Variants in CDH13 observed in about 807,000 individuals in gnomAD.
The protein encoded by CDH13 is cadherin-13.
Under a neutral mutation model 63.8 loss-of-function variants are expected in CDH13, and 24 were observed. That is an observed-to-expected ratio of 0.38 (90% confidence interval 0.27 to 0.53). The LOEUF is 0.53. CDH13 is among the 20% of genes least tolerant of loss of function. CDH13 has a pLI of 0.85. For missense variants in CDH13, 1,049 were observed against 903.1 expected, an observed-to-expected ratio of 1.16 and a Z score of -2.07; for synonymous variants, 503 against 355.3, an observed-to-expected ratio of 1.42 and a Z score of -4.67.
chr16:83,145,291 G>A (rs1161267992), intron 4 of CDH13, among the ~76,000 whole-genome samples: 2 of 152,138 alleles, frequency 1.3e-5, no homozygotes, highest in African/African-American at 4.8e-5. Context: ...TGAGGCTTGG[G>A]CAGCAGCAGC....
chr16:83,290,823 T>C (rs1241402385), intron 5 of CDH13, among the ~76,000 whole-genome samples: 2 of 152,130 alleles, frequency 1.3e-5, no homozygotes, highest in African/African-American at 4.8e-5. Flanking sequence ...GCATCTTCAC[T>C]CAGGGCCGCC....
intron 7 of CDH13, among the ~76,000 whole-genome samples, chr16:83,512,049 C>T (rs915060624): frequency 7.9e-5 from 12 of 151,990 alleles, no homozygotes; most frequent in East Asian, 1.9e-4. Context: ...GGGCCAGGCG[C>T]GGTGGCTCAC....
At chr16:83,206,093 G>A (rs1267741353) in intron 4 of CDH13, among the ~76,000 whole-genome samples, 1 of 152,080 alleles carries the variant, frequency 6.6e-6, no homozygotes, top group South Asian at 2.1e-4. Context: ...ATGAAAGGGT[G>A]ACTCATACAT....
At chr16:83,065,588 C>G (rs2031939662) in intron 3 of CDH13, among the ~76,000 whole-genome samples, 1 of 151,972 alleles carries the variant, frequency 6.6e-6, no homozygotes, top group Admixed American at 6.6e-5. Context: ...GCCTGTAATT[C>G]CAGCTAGTCG....
rs10658401 is a variant in CDH13 at position 82,886,561 on chromosome 16, A to AT, written c.157+28100dup. ...ATTATCAACTTAGAATATTTGTGCA[A>AT]TTTTTTTTTTTTACATGTGGAGCTT... On this transcript the variant is annotated intron_variant, in intron 2 of 13. Coordinates refer to ENST00000567109, the MANE Select transcript of CDH13 (RefSeq NM_001257.5). 1.8e-3 allele frequency among the ~76,000 whole-genome samples: 266 copies of AT among 149,332 alleles called. 2 individuals are homozygous for AT. The highest frequency in any genetic ancestry group is 0.01 in the Middle Eastern group (3 of 286).
At chr16:83,098,669 A>G (rs1269374856) in intron 3 of CDH13, among the ~76,000 whole-genome samples, 1 of 152,210 alleles carries the variant, frequency 6.6e-6, no homozygotes, top group African/African-American at 2.4e-5. Flanking sequence ...GAGCATTTCA[A>G]CGGTTCACTC....
rs551768362 is a variant in CDH13, at chr16:82,811,328, T to C, written c.46-47034T>C. On this transcript the variant is annotated intron_variant, in intron 1 of 13. Transcript: ENST00000567109. ...AAAGTCAGCTGTTAAACATTGACCA[T>C]CATAGCACTGTGTATATACTTATGT... 1.3e-4 allele frequency among the ~76,000 whole-genome samples: 20 copies of C among 152,320 alleles called. No homozygotes were observed. The South Asian group carries it at 3.5e-3, about 27-fold the overall frequency.
At chr16:83,202,118 A>G (rs1464060924) in intron 4 of CDH13, among the ~76,000 whole-genome samples, 2 of 152,078 alleles carry the variant, frequency 1.3e-5, no homozygotes, top group Non-Finnish European at 2.9e-5. Flanking sequence ...CTCGACTTTC[A>G]AGCTGGTAAG....
At chr16:82,746,924 C>G (rs1007407770) in intron 1 of CDH13, among the ~76,000 whole-genome samples, 3 of 152,062 alleles carry the variant, frequency 2.0e-5, no homozygotes, top group Admixed American at 1.3e-4. Context: ...TTAGAGCAGC[C>G]CTGTTTCTTT....
intron 4 of CDH13, among the ~76,000 whole-genome samples, chr16:83,135,940 A>G (rs1442509158): frequency 6.6e-6 from 1 of 152,186 alleles, no homozygotes; most frequent in African/African-American, 2.4e-5. Context: ...CAAACATCAT[A>G]TGTCCCCACT....
chr16:83,424,047 G>A (rs1026329195), intron 6 of CDH13, among the ~76,000 whole-genome samples: 6 of 151,890 alleles, frequency 4.0e-5, no homozygotes, highest in East Asian at 1.9e-4. Context: ...AATCCAACAC[G>A]TACTGAACAG....
At chr16:83,395,990 A>T (rs995422554) in intron 6 of CDH13, among the ~76,000 whole-genome samples, 1 of 151,914 alleles carries the variant, frequency 6.6e-6, no homozygotes, top group African/African-American at 2.4e-5. Flanking sequence ...GTTCCCCTCT[A>T]TATGTCCACG....
At chr16:83,329,825 G>T (rs148412979) in intron 5 of CDH13, among the ~76,000 whole-genome samples, 1 of 152,064 alleles carries the variant, frequency 6.6e-6, no homozygotes, top group Non-Finnish European at 1.5e-5. Context: ...TGTCTTCAAG[G>T]TTCACTTATA....
chr16:83,403,548 G>C (rs945550814), intron 6 of CDH13, among the ~76,000 whole-genome samples: 2 of 152,078 alleles, frequency 1.3e-5, no homozygotes, highest in African/African-American at 4.8e-5. Context: ...GCGTGAACCT[G>C]GGAGGCAGAG....
At chr16:83,223,253 T>C (rs1451890755) in intron 5 of CDH13, among the ~76,000 whole-genome samples, 1 of 152,200 alleles carries the variant, frequency 6.6e-6, no homozygotes, top group African/African-American at 2.4e-5. Flanking sequence ...TCTTGCAATA[T>C]GGTGCCTGGC....
At position 82,978,921 on chromosome 16, in the gene CDH13, C is replaced by A. The variant is rs970399743; in HGVS notation, c.158-53089C>A. The stretch of plus-strand genomic sequence containing the variant: ...TGCACCTGGAAAAGCCACAGACACT[C>A]AAAGCTAGCCATGAAAGCAGCCGGG... On this transcript the variant is annotated intron_variant, in intron 2 of 13. Transcript: ENST00000567109. Among the ~76,000 whole-genome samples, 13 of 152,214 alleles carry A rather than the reference C, an allele frequency of 8.5e-5. 1 individual carries two copies. The East Asian group carries it at 2.3e-3, about 27-fold the overall frequency.
At chr16:83,626,540 A>G (rs986648948) in intron 8 of CDH13, among the ~76,000 whole-genome samples, 1 of 152,136 alleles carries the variant, frequency 6.6e-6, no homozygotes, top group Non-Finnish European at 1.5e-5. Context: ...GTGGTTTCCA[A>G]ACCTGGACTG....
intron 3 of CDH13, among the ~76,000 whole-genome samples, chr16:83,080,434 ATCC>A (rs892209662): frequency 1.3e-5 from 2 of 152,114 alleles, no homozygotes; most frequent in African/African-American, 4.8e-5. Flanking sequence ...ACTACGTTCT[ATCC>A]TCCTCCTCCT....
chr16:83,703,737 G>A (rs7198252), intron 10 of CDH13, among the ~76,000 whole-genome samples: 44,596 of 152,014 alleles, frequency 0.29, 6,960 homozygotes, highest in African/African-American at 0.41. Context: ...GGGGCAAGGA[G>A]ACTAAGAAAA....
Sources: allele counts gnomAD v4.1 joint callset (sites outside exome capture counted in the v4.1 genomes callset), GRCh38; gene constraint gnomAD v4.1.1; transcripts MANE v1.5; gene names NCBI Gene and HGNC (gene_info 2026-07-23, HGNC 2026-07-21).